Variants in AIG1 observed in about 807,000 individuals in gnomAD.
AIG1 encodes the protein androgen-induced gene 1 protein.
In AIG1, 23 loss-of-function variants were observed where a neutral mutation model predicts 31.4. That is an observed-to-expected ratio of 0.73 (90% confidence interval 0.53 to 1.04). The LOEUF (loss-of-function observed/expected upper bound fraction) is 1.04, where lower values mean the gene tolerates loss of function less well. Ranked by LOEUF, AIG1 falls within the 50% of genes least tolerant of loss-of-function variation. The pLI, the probability that AIG1 is intolerant of heterozygous loss-of-function variation, is 0.00. For missense variants in AIG1, 274 were observed against 295.0 expected, an observed-to-expected ratio of 0.93 and a Z score of 0.52; for synonymous variants, 100 against 110.5, an observed-to-expected ratio of 0.90 and a Z score of 0.60.
At chr6:143,083,860 A>G (rs971159543) in intron 1 of AIG1, among the ~76,000 whole-genome samples, 1 of 152,186 alleles carries the variant, frequency 6.6e-6, no homozygotes, top group African/African-American at 2.4e-5. Context: ...GTAGGGGACA[A>G]CAAACGTGTG....
chr6:143,187,299 A>G (rs1438663811), intron 3 of AIG1: 2 of 1,105,210 alleles, frequency 1.8e-6, no homozygotes, highest in Non-Finnish European at 2.6e-6. Context: ...TTGACTGCTA[A>G]TATTCACACA....
At chr6:143,103,308 T>G (rs1780473184) in intron 1 of AIG1, among the ~76,000 whole-genome samples, 1 of 152,070 alleles carries the variant, frequency 6.6e-6, no homozygotes, top group Non-Finnish European at 1.5e-5. Flanking sequence ...CAATTATTGT[T>G]GGATTCTAAG....
intron 1 of AIG1, among the ~76,000 whole-genome samples, chr6:143,112,328 TA>T (rs1223201460): frequency 1.3e-5 from 2 of 152,242 alleles, no homozygotes; most frequent in African/African-American, 4.8e-5. Flanking sequence ...TGTCATGCTC[TA>T]GGGGGAACCT....
chr6:143,259,247 A>G (rs183872169), intron 3 of AIG1, among the ~76,000 whole-genome samples: 1 of 152,372 alleles, frequency 6.6e-6, no homozygotes, highest in East Asian at 1.9e-4. Flanking sequence ...CTTGGGTATT[A>G]TGTTATAGCA....
chr6:143,251,369 A>G (rs985966809), intron 3 of AIG1, among the ~76,000 whole-genome samples: 1 of 152,066 alleles, frequency 6.6e-6, no homozygotes, highest in African/African-American at 2.4e-5. Context: ...GTTTTAAATG[A>G]CCCAAGCTGT....
intron 3 of AIG1, chr6:143,188,511 A>C (rs1789486144): frequency 1.0e-6 from 1 of 985,222 alleles, no homozygotes; most frequent in African/African-American, 1.7e-5. Flanking sequence ...TGACCTGCCT[A>C]CTATAACCCT....
intron 3 of AIG1, chr6:143,190,071 AT>A (rs1789646557): frequency 3.1e-6 from 2 of 647,080 alleles, no homozygotes; most frequent in Middle Eastern, 8.2e-4. Context: ...TTCATTGAGG[AT>A]TCCACCCCAG....
chr6:143,247,177 G>C (rs968889782), intron 3 of AIG1, among the ~76,000 whole-genome samples: 2 of 152,160 alleles, frequency 1.3e-5, no homozygotes, highest in African/African-American at 2.4e-5. Context: ...CTGTCGCCAG[G>C]CTGGAGTGCA....
chr6:143,261,626 C>A (rs1426041781), intron 3 of AIG1, among the ~76,000 whole-genome samples: 1 of 152,162 alleles, frequency 6.6e-6, no homozygotes, highest in East Asian at 1.9e-4. Flanking sequence ...TACCTTTCCT[C>A]TATGCAATTT....
Position 143,301,564 on chromosome 6 carries a change from A to G in AIG1, c.515+17339A>G, listed in dbSNP as rs145326541. On this transcript the variant is annotated intron_variant, in intron 4 of 5. Transcript: ENST00000357847. The stretch of plus-strand genomic sequence containing the variant: ...CTGCGGAGGCCTCAGGAAACTTACA[A>G]TCATGGTGGAAGGGGAAGCAAATAC... Among the ~76,000 whole-genome samples the G allele has an allele frequency of 1.3e-3, 200 of 152,346 alleles. 1 individual carries two copies. The highest frequency in any genetic ancestry group is 4.8e-3 in the African/African-American group (198 of 41,584).
intron 3 of AIG1, among the ~76,000 whole-genome samples, chr6:143,226,249 T>A (rs1044522362): frequency 1.9e-4 from 29 of 151,288 alleles, no homozygotes; most frequent in South Asian, 6.3e-4. Flanking sequence ...TATATATATT[T>A]TTTTTTTTTT....
At position 143,340,279 on chromosome 6, in the gene AIG1, A is replaced by T. The variant is rs1777804011; in HGVS notation, c.*603A>T. On this transcript the variant is annotated 3_prime_UTR_variant, in exon 6 of 6. Transcript: ENST00000357847. ...AAACTTTTCCTAGATGCAAATGCTGACTAATAAAGACAAAGCCACCCTGAA... is the reference window on the plus strand; with the variant it reads ...AAACTTTTCCTAGATGCAAATGCTGTCTAATAAAGACAAAGCCACCCTGAA... 2.0e-5 allele frequency: 3 copies of T among 152,194 alleles called. No individual in the cohort carries two copies. Among genetic ancestry groups the T allele is most frequent in the Non-Finnish European group, 4.4e-5 (3 of 68,052 alleles). 9.4% of individuals were successfully genotyped at this position (152,194 alleles called of 1,614,324 possible). A position where few individuals can be genotyped will look rare whatever the true frequency, so the allele number is the denominator to read the frequency against.
chr6:143,284,115 G>C lies in AIG1; in HGVS notation c.405G>C (p.Thr135=), dbSNP rs771446237. The part of the protein sequence containing the change: ...IPGWLNHGMH[T]TVLPFILIEM... The stretch of plus-strand genomic sequence containing the variant: ...TAGTCTCTGTTATTTTCCAGCACAC[G>C]ACGGTTCTGCCCTTTATATTAATCG... Residue 135 remains threonine (T), a synonymous_variant, in exon 4 of 6, where the codon ACG becomes ACC. Transcript: ENST00000357847. The surrounding 1 kb of genome is among the most constrained non-coding windows in gnomAD (Gnocchi z 4.4). The C allele has an allele frequency of 1.1e-5, 18 of 1,612,664 alleles. No individual in the cohort carries two copies. The highest frequency in any genetic ancestry group is 1.7e-5 in the Admixed American group (1 of 59,968).
At chr6:143,262,031 G>A (rs1795815965) in intron 3 of AIG1, among the ~76,000 whole-genome samples, 1 of 152,212 alleles carries the variant, frequency 6.6e-6, no homozygotes, top group Non-Finnish European at 1.5e-5. Context: ...AAATAGAATT[G>A]GAAGACATAT....
chr6:143,086,885 G>A (rs974746727), intron 1 of AIG1, among the ~76,000 whole-genome samples: 4 of 152,238 alleles, frequency 2.6e-5, no homozygotes, highest in African/African-American at 9.6e-5. Flanking sequence ...CATGATCTCA[G>A]CTGGCTTATG....
At chr6:143,287,792 G>A (rs1797793306) in intron 4 of AIG1, among the ~76,000 whole-genome samples, 1 of 143,410 alleles carries the variant, frequency 7.0e-6, no homozygotes, top group Admixed American at 7.1e-5. Context: ...TCAGTCCTGA[G>A]ATGCTTCTCA....
intron 3 of AIG1, chr6:143,189,462 A>T: frequency 1.0e-6 from 1 of 982,880 alleles, no homozygotes; most frequent in Non-Finnish European, 1.2e-6. Flanking sequence ...GTAATTTATT[A>T]TATATTGAAA....
chr6:143,221,696 AATTTCAATTTCCTACTTTATGAT>A (rs1330040069), intron 3 of AIG1, among the ~76,000 whole-genome samples: 1 of 152,076 alleles, frequency 6.6e-6, no homozygotes, highest in African/African-American at 2.4e-5. Flanking sequence ...TTTCATCCTT[AATTTCAATTTCCTACTTTATGAT>A]ATTCTATCTT....
chr6:143,102,645 T>G (rs889135350), intron 1 of AIG1, among the ~76,000 whole-genome samples: 5 of 150,680 alleles, frequency 3.3e-5, no homozygotes, highest in South Asian at 2.1e-4. Flanking sequence ...TCATTGCATT[T>G]AACATGTAAC....
Sources: gnomAD v4.1 joint callset for allele counts (sites outside exome capture counted in the v4.1 genomes callset) on GRCh38, gnomAD v4.1.1 for gene constraint, Gnocchi (gnomAD v3.1) non-coding constraint, MANE v1.5 for transcripts, NCBI Gene and HGNC (gene_info 2026-07-23, HGNC 2026-07-21) for gene names.